Variants in SRPRA observed in about 807,000 individuals in gnomAD.
SRPRA encodes SRP receptor subunit alpha.
A neutral mutation model predicts 61.1 loss-of-function variants in SRPRA; 30 were observed. That is an observed-to-expected ratio of 0.49 (90% CI 0.37 to 0.67). The LOEUF is 0.67. Among genes scored for constraint, SRPRA ranks in the 30% least tolerant of loss-of-function variants. The pLI is 0.00. For synonymous variants in SRPRA, 324 were observed against 299.7 expected, an observed-to-expected ratio of 1.08 and a Z score of -0.84; for missense variants, 759 against 828.4, an observed-to-expected ratio of 0.92 and a Z score of 1.03.
At chr11:126,251,547 G>A in the SRPRA span, among the ~76,000 whole-genome samples, 3 of 152,152 alleles carry the variant, frequency 2.0e-5, no homozygotes, top group East Asian at 5.8e-4. Context: ...GTTTTCTCTG[G>A]TCCAAGTGTC....
intron 1 of SRPRA, 115 bp downstream of exon 1, chr11:126,268,573 T>G (rs1320905759): frequency 2.0e-5 from 14 of 703,652 alleles, no homozygotes; most frequent in African/African-American, 1.4e-4. Flanking sequence ...TACGCGTGAG[T>G]GGTCAGTGTG....
the SRPRA span, among the ~76,000 whole-genome samples, chr11:126,238,254 C>T: frequency 2.5e-4 from 38 of 151,882 alleles, no homozygotes; most frequent in Non-Finnish European, 4.1e-4. Context: ...CCCAGCTACT[C>T]GGGAGGCTGA....
Position 126,266,175 on chromosome 11 carries a change from A to C in SRPRA, c.932+12T>G, listed in dbSNP as rs1159675447. 2 of 1,613,980 alleles carry C rather than the reference A, an allele frequency of 1.2e-6. No individual in the cohort carries two copies. The highest frequency in any genetic ancestry group is 1.3e-5 in the African/African-American group (1 of 75,028). The stretch of plus-strand genomic sequence containing the variant: ...AGATGCATATACCAACCCCCACCTG[A>C]AATTCCCCTACCTAGGTTTGGTAGA... On this transcript the variant is annotated intron_variant, in intron 7 of 13. Coordinates refer to ENST00000332118, the MANE Select transcript of SRPRA (RefSeq NM_003139.4).
the SRPRA span, among the ~76,000 whole-genome samples, chr11:126,255,436 A>T: frequency 1.3e-5 from 2 of 152,114 alleles, no homozygotes; most frequent in Non-Finnish European, 2.9e-5. The surrounding 1 kb of genome is among the most constrained non-coding windows in gnomAD (Gnocchi z 4.6). Context: ...TCCATCTCTG[A>T]CATTGAGTGA....
At position 126,263,974 on chromosome 11, in the gene SRPRA, T is replaced by C; in HGVS notation, c.1859A>G (p.Tyr620Cys). Residue 620 changes from tyrosine (Y) to cysteine (C), a missense_variant, in exon 14 of 14, where the codon TAC becomes TGC. By Grantham distance (194) the Tyr-to-Cys change is radical. Transcript: ENST00000332118. ...PIVFVGTGQTYCDLRSLNAKA... is the reference protein window; with the variant it reads ...PIVFVGTGQTCCDLRSLNAKA... Reference sequence around the variant, plus strand: ...GGCATTGAGGCTGCGTAGGTCACAGTAGGTCTGGCCGGTGCCCACAAAGAC... The same window carrying C: ...GGCATTGAGGCTGCGTAGGTCACAGCAGGTCTGGCCGGTGCCCACAAAGAC... 6.2e-7 allele frequency: 1 copy of C among 1,614,154 alleles called. No individual in the cohort carries two copies. Among genetic ancestry groups the C allele is most frequent in the Non-Finnish European group, 8.5e-7 (1 of 1,180,016 alleles).
In SRPRA at chr11:126,266,607, G is replaced by A; in HGVS notation, c.709C>T (p.Pro237Ser). 6.2e-7 allele frequency: 1 copy of A among 1,614,030 alleles called. No individual in the cohort carries two copies. Among genetic ancestry groups the A allele is most frequent in the East Asian group, 2.2e-5 (1 of 44,874 alleles). The change falls in exon 6 of 14, where the codon CCA becomes TCA. Residue 237 changes from proline to serine, a missense_variant. Physicochemically the swap from Pro to Ser is moderately conservative, Grantham distance 74. Coordinates refer to ENST00000332118, the MANE Select transcript of SRPRA (RefSeq NM_003139.4). ...GGTGCTTTTTTGCCCTTCTCCTTTGGAGCATCTGACTTCGTGGACTTGCTG... is the reference window on the plus strand; with the variant it reads ...GGTGCTTTTTTGCCCTTCTCCTTTGAAGCATCTGACTTCGTGGACTTGCTG... The part of the protein sequence containing the change: ...KSNKSTKSDA[P>S]KEKGKKAPRV...
downstream of SRPRA, among the ~76,000 whole-genome samples, chr11:126,260,044 A>G (rs184758673): frequency 1.1e-3 from 173 of 151,558 alleles, no homozygotes; most frequent in African/African-American, 3.9e-3. Flanking sequence ...TATTATTACT[A>G]TTTTTGATAC....
At chr11:126,241,189 C>A in the SRPRA span, 1 of 860,890 alleles carries the variant, frequency 1.2e-6, no homozygotes, top group Non-Finnish European at 1.8e-6. Flanking sequence ...ACATTTGACT[C>A]TTCTGCGCAA....
In SRPRA at chr11:126,263,797, C is replaced by T; in HGVS notation, c.*119G>A. 2.1e-6 allele frequency: 3 copies of T among 1,415,132 alleles called. No individual in the cohort carries two copies. Among genetic ancestry groups the T allele is most frequent in the Non-Finnish European group, 2.9e-6 (3 of 1,047,012 alleles). 87.7% of individuals were successfully genotyped at this position (1,415,132 alleles called of 1,614,324 possible). On this transcript the variant is annotated 3_prime_UTR_variant, in exon 14 of 14. Transcript: ENST00000332118. ...GGGGTTGGAAGGAGCCACAAGCCCC[C>T]TCACTCTGCCTTTGTACTACACTGA...
chr11:126,266,382 C>T (rs1950811006), intron 6 of SRPRA, 94 bp downstream of exon 6: 11 of 1,589,602 alleles, frequency 6.9e-6, no homozygotes, highest in South Asian at 1.1e-5. Flanking sequence ...CCAAGTATAA[C>T]TTACCCCTCA....
the SRPRA span, among the ~76,000 whole-genome samples, chr11:126,244,256 G>A: frequency 6.6e-6 from 1 of 152,092 alleles, no homozygotes; most frequent in Non-Finnish European, 1.5e-5. The surrounding 1 kb of genome is among the most constrained non-coding windows in gnomAD (Gnocchi z 4.5). Flanking sequence ...AGTTAAGCAA[G>A]AAAACTAAAG....
In SRPRA at chr11:126,265,155, TAAC is replaced by T; in HGVS notation, c.1326_1328del (p.Leu443del). ...CAATGAGGACACTGAAGCCATTCTC[TAAC>T]AACCAGAAGGAAATCTGTGAAAAAG... On this transcript the variant is annotated inframe_deletion, in exon 11 of 14. Coordinates refer to ENST00000332118, the MANE Select transcript of SRPRA (RefSeq NM_003139.4). This position sits in a 1 kb window ranked among gnomAD's most constrained non-coding sequence, Gnocchi z 6.3. The T allele has an allele frequency of 6.2e-7, 1 of 1,614,170 alleles. No homozygotes were observed. The highest frequency in any genetic ancestry group is 8.5e-7 in the Non-Finnish European group (1 of 1,180,040).
chr11:126,268,599 G>T, intron 1 of SRPRA, 89 bp downstream of exon 1: 1 of 1,090,390 alleles, frequency 9.2e-7, no homozygotes, highest in Non-Finnish European at 1.4e-6. Context: ...GGCGGGGAGG[G>T]TGGGAGGAGG....
the SRPRA span, among the ~76,000 whole-genome samples, chr11:126,252,481 C>G: frequency 6.6e-6 from 1 of 152,130 alleles, no homozygotes; most frequent in African/African-American, 2.4e-5. The surrounding 1 kb of genome is among the most constrained non-coding windows in gnomAD (Gnocchi z 4.7). Context: ...CACAGCAGCT[C>G]AGGCCTGTAA....
downstream of SRPRA, chr11:126,262,233 AAAGT>A: frequency 7.4e-7 from 1 of 1,349,220 alleles, no homozygotes; most frequent in South Asian, 1.2e-5. Flanking sequence ...CAATTCCCAG[AAAGT>A]AACAATAGCC....
the SRPRA span, chr11:126,250,464 A>G: frequency 1.4e-6 from 2 of 1,413,404 alleles, no homozygotes; most frequent in Admixed American, 3.5e-5. This position sits in a 1 kb window ranked among gnomAD's most constrained non-coding sequence, Gnocchi z 5.1. Flanking sequence ...TGACCTACCA[A>G]AGCACTTTGG....
downstream of SRPRA, chr11:126,261,436 A>G: frequency 2.5e-6 from 4 of 1,613,896 alleles, no homozygotes; most frequent in Non-Finnish European, 3.4e-6. Context: ...AGGGATGGTG[A>G]GAGAAGGTCA....
rs1237212723 is a variant in SRPRA at position 126,267,466 on chromosome 11, T to C, written c.365+83A>G. 8 of 1,592,884 alleles carry C rather than the reference T, an allele frequency of 5.0e-6. No homozygotes were observed. The highest frequency in any genetic ancestry group is 1.7e-4 in the Middle Eastern group (1 of 5,970). ...CAAATTAGGAATGTCTTTGAACACATCAATTTACCACCTTTGAACCACCTT... is the reference window on the plus strand; with the variant it reads ...CAAATTAGGAATGTCTTTGAACACACCAATTTACCACCTTTGAACCACCTT... On this transcript the variant is annotated intron_variant, in intron 3 of 13. Transcript: ENST00000332118. The surrounding 1 kb of genome is among the most constrained non-coding windows in gnomAD (Gnocchi z 4.2).
the SRPRA span, among the ~76,000 whole-genome samples, chr11:126,253,126 A>G: frequency 1.3e-5 from 2 of 152,238 alleles, no homozygotes; most frequent in African/African-American, 4.8e-5. The surrounding 1 kb of genome is among the most constrained non-coding windows in gnomAD (Gnocchi z 5.1). Flanking sequence ...AAGTGTGTTC[A>G]TGGATATCAG....
Sources: allele counts gnomAD v4.1 joint callset (sites outside exome capture counted in the v4.1 genomes callset), GRCh38; gene constraint gnomAD v4.1.1; non-coding constraint Gnocchi (gnomAD v3.1); transcripts MANE v1.5; gene names NCBI Gene and HGNC (gene_info 2026-07-23, HGNC 2026-07-21).